TRPM3: variants seen among roughly 807,000 people sequenced by gnomAD.
TRPM3 encodes the protein long transient receptor potential channel 3.
In TRPM3, 77 loss-of-function variants were observed where a neutral mutation model predicts 181.2. The observed-to-expected ratio is 0.42, with a 90% confidence interval of 0.35 to 0.51. The LOEUF (loss-of-function observed/expected upper bound fraction) is 0.51. Ranked by LOEUF, TRPM3 falls within the 20% of genes least tolerant of loss-of-function variation. The pLI is 0.01. For missense variants in TRPM3, 1,759 were observed against 2,196.7 expected, an observed-to-expected ratio of 0.80 and a Z score of 3.98; for synonymous variants, 745 against 796.4, an observed-to-expected ratio of 0.94 and a Z score of 1.09.
chr9:70,762,359 G>C (rs2078296231), intron 7 of TRPM3, among the ~76,000 whole-genome samples: 2 of 152,176 alleles, frequency 1.3e-5, no homozygotes, highest in South Asian at 4.1e-4. Context: ...ATACTTTTAT[G>C]CTATAGAAGA....
intron 1 of TRPM3, among the ~76,000 whole-genome samples, chr9:71,438,740 G>T (rs187382637): frequency 6.6e-6 from 1 of 152,296 alleles, no homozygotes; most frequent in East Asian, 1.9e-4. Context: ...TAATACCTAA[G>T]ACTTGCTTAC....
At chr9:71,346,408 T>C (rs559053783) in intron 1 of TRPM3, among the ~76,000 whole-genome samples, 10 of 152,318 alleles carry the variant, frequency 6.6e-5, no homozygotes, top group Admixed American at 3.3e-4. Flanking sequence ...TCTATAGTCT[T>C]AGGGGTGTAC....
At chr9:71,348,856 C>A (rs951898475) in intron 1 of TRPM3, among the ~76,000 whole-genome samples, 3 of 152,152 alleles carry the variant, frequency 2.0e-5, no homozygotes, top group African/African-American at 7.2e-5. Flanking sequence ...CAGGCATGAG[C>A]CACTGTGCCC....
intron 1 of TRPM3, among the ~76,000 whole-genome samples, chr9:71,317,701 A>C (rs2088772156): frequency 6.6e-6 from 1 of 151,452 alleles, no homozygotes. Context: ...ACACGCGCAC[A>C]CGCGCGAGAG....
intron 1 of TRPM3, among the ~76,000 whole-genome samples, chr9:71,353,086 AT>A (rs1303453701): frequency 1.3e-5 from 2 of 152,072 alleles, no homozygotes; most frequent in Non-Finnish European, 2.9e-5. Flanking sequence ...CTGGCTCTAG[AT>A]TCTTACCACC....
At chr9:71,337,885 G>C (rs896544890) in intron 1 of TRPM3, among the ~76,000 whole-genome samples, 2 of 152,112 alleles carry the variant, frequency 1.3e-5, no homozygotes, top group Non-Finnish European at 2.9e-5. Flanking sequence ...TGAACAATGA[G>C]AACACTTGGA....
chr9:70,686,606 C>CGCCCT (rs2066864188), intron 8 of TRPM3, among the ~76,000 whole-genome samples: 1 of 114,450 alleles, frequency 8.7e-6, no homozygotes, highest in Admixed American at 8.6e-5. Context: ...CCCTCCCTCC[C>CGCCCT]TCCCGCCCTT....
chr9:70,909,792 A>G (rs1330320271), intron 1 of TRPM3, among the ~76,000 whole-genome samples: 1 of 152,184 alleles, frequency 6.6e-6, no homozygotes, highest in African/African-American at 2.4e-5. Context: ...TGCAAAAGCA[A>G]TTGTGGTTTT....
At position 70,610,726 on chromosome 9, in the gene TRPM3, C is replaced by T; in HGVS notation, c.2550G>A (p.Gly850=). 1.2e-6 allele frequency: 2 copies of T among 1,614,098 alleles called. No homozygotes were observed. The highest frequency in any genetic ancestry group is 1.7e-6 in the Non-Finnish European group (2 of 1,179,980). ...ELTAMLGRNN[G]ESSRKKDEEE... is the part of the protein sequence containing the mutation. ...CTTCATCCTTCTTCCTGGAGGACTCCCCGTTGTTTCGTCCCAACATTGCCT... is the reference window on the plus strand; with the variant it reads ...CTTCATCCTTCTTCCTGGAGGACTCTCCGTTGTTTCGTCCCAACATTGCCT... The change falls in exon 19 of 26, where the codon GGG becomes GGA. Residue 850 remains glycine, a synonymous_variant. Transcript: ENST00000677713.
Position 70,739,601 on chromosome 9 carries a change from T to A in TRPM3, c.1272+22000A>T, listed in dbSNP as rs146486319. ...GATGCCCACTTTTTTATTATTTATT[T>A]TTTTTTTTGAGTCAAGGTCTCACTC... On this transcript the variant is annotated intron_variant, in intron 8 of 25. Transcript: ENST00000677713. Among the ~76,000 whole-genome samples, 24 of 152,036 alleles carry A rather than the reference T, an allele frequency of 1.6e-4. No individual in the cohort carries two copies. The East Asian group carries it at 4.4e-3, about 28-fold the overall frequency.
intron 3 of TRPM3, among the ~76,000 whole-genome samples, chr9:70,859,254 A>G (rs10780979): frequency 0.77 from 116,477 of 152,052 alleles, 44,873 homozygotes; most frequent in African/African-American, 0.78. Flanking sequence ...AGACAACTCT[A>G]AGTTCCACAG....
At position 71,380,834 on chromosome 9, in the gene TRPM3, G is replaced by T. The variant is rs905672301; in HGVS notation, c.183+65819C>A. ...ACCTTTGGCCAAGAAGACCCCTGAA[G>T]CTCTCAGCATCTTGACTCAGAACTG... On this transcript the variant is annotated intron_variant, in intron 1 of 24. Transcript: ENST00000357533. Among the ~76,000 whole-genome samples, 3 of 152,030 alleles carry T rather than the reference G, an allele frequency of 2.0e-5. No individual in the cohort carries two copies. In the South Asian group the frequency reaches 6.2e-4, roughly 32 times the overall value.
intron 1 of TRPM3, among the ~76,000 whole-genome samples, chr9:71,165,680 G>A (rs1027372012): frequency 5.9e-5 from 9 of 152,020 alleles, no homozygotes; most frequent in Non-Finnish European, 1.2e-4. Context: ...CTGAGTGTGC[G>A]CTATTTGTGT....
At chr9:71,233,508 C>G (rs1588072022) in intron 1 of TRPM3, among the ~76,000 whole-genome samples, 1 of 152,126 alleles carries the variant, frequency 6.6e-6, no homozygotes, top group East Asian at 1.9e-4. Flanking sequence ...TATTATTTTG[C>G]AAAGAAATCA....
intron 1 of TRPM3, among the ~76,000 whole-genome samples, chr9:71,037,838 A>G (rs999873522): frequency 6.6e-6 from 1 of 152,222 alleles, no homozygotes; most frequent in African/African-American, 2.4e-5. Context: ...TCAAGTATGG[A>G]TGCCACAGAT....
chr9:71,268,316 G>C (rs963832643), intron 1 of TRPM3, among the ~76,000 whole-genome samples: 85 of 152,040 alleles, frequency 5.6e-4, no homozygotes, highest in African/African-American at 1.9e-3. Flanking sequence ...GGAGGCAGAG[G>C]TTGCAGTGAG....
At chr9:70,752,004 G>GTATA (rs1554685671) in intron 8 of TRPM3, among the ~76,000 whole-genome samples, 2 of 112,886 alleles carry the variant, frequency 1.8e-5, no homozygotes, top group African/African-American at 6.9e-5. Context: ...TCAACAGTGT[G>GTATA]TGTGTGTGTG....
At chr9:70,833,338 C>G (rs1047665226) in intron 5 of TRPM3, among the ~76,000 whole-genome samples, 1 of 152,196 alleles carries the variant, frequency 6.6e-6, no homozygotes, top group Non-Finnish European at 1.5e-5. Context: ...AATCCCAAAC[C>G]TCATTACCTA....
intron 1 of TRPM3, among the ~76,000 whole-genome samples, chr9:71,434,058 C>T (rs1357396504): frequency 6.6e-6 from 1 of 152,108 alleles, no homozygotes; most frequent in African/African-American, 2.4e-5. Flanking sequence ...ACTCAGGAGG[C>T]TCAGGCAGGA....
Sources: allele counts gnomAD v4.1 joint callset (sites outside exome capture counted in the v4.1 genomes callset), GRCh38; gene constraint gnomAD v4.1.1; transcripts MANE v1.5; gene names NCBI Gene and HGNC (gene_info 2026-07-23, HGNC 2026-07-21).